CDC23: variants seen among roughly 807,000 people sequenced by gnomAD.
The protein encoded by CDC23 is cell division cycle protein 23 homolog.
Under a neutral mutation model 81.7 loss-of-function variants are expected in CDC23, and 26 were observed. The observed-to-expected ratio is 0.32, with a 90% CI of 0.23 to 0.44. The LOEUF (loss-of-function observed/expected upper bound fraction) is 0.44. CDC23 is among the 20% of genes least tolerant of loss of function. CDC23 has a pLI of 1.00. For synonymous variants in CDC23, 267 were observed against 270.8 expected (o/e 0.99, Z 0.14); for missense variants, 519 against 728.0 (o/e 0.71, Z 3.30).
At chr5:138,206,420 T>C (rs761556274) in intron 3 of CDC23, 127 bp downstream of exon 3, 1 of 877,036 alleles carries the variant, frequency 1.1e-6, no homozygotes, top group African/African-American at 1.7e-5. Flanking sequence ...TTTTTTATTA[T>C]TGCTATGTAT....
At chr5:138,195,596 TATTA>T (rs1561633986) in intron 9 of CDC23, among the ~76,000 whole-genome samples, 150 of 77,872 alleles carry the variant, frequency 1.9e-3, no homozygotes, top group African/African-American at 5.1e-3. Flanking sequence ...ATATAATATA[TATTA>T]TATATGATAT....
chr5:138,197,492 T>C (rs116751388), intron 9 of CDC23, among the ~76,000 whole-genome samples: 3,685 of 148,724 alleles, frequency 0.025, 252 homozygotes, highest in African/African-American at 0.078. Flanking sequence ...GTAATACATA[T>C]TTATTTTTTT....
rs151145236 is a variant in CDC23 at position 138,189,849 on chromosome 5, G to A, written c.1482C>T (p.Ile494=). The A allele has an allele frequency of 4.8e-5, 78 of 1,613,862 alleles. No homozygotes were observed. The highest frequency in any genetic ancestry group is 5.7e-5 in the Non-Finnish European group (67 of 1,179,956). The change falls in exon 14 of 16, where the codon ATC becomes ATT. Residue 494 remains isoleucine, a synonymous_variant. Transcript: ENST00000394886. ...EQAAQCYIKY[I]QDIYSCGEIV... is the part of the protein sequence containing the mutation. ...ATACCCCACAGGAATAGATATCTTG[G>A]ATATATTTGATGTAACACTGGGCAG...
At chr5:138,200,192 C>T (rs979767067) in intron 6 of CDC23, among the ~76,000 whole-genome samples, 1 of 152,180 alleles carries the variant, frequency 6.6e-6, no homozygotes, top group Admixed American at 6.5e-5. Context: ...AGTGAAATAG[C>T]ACCATCAGGG....
chr5:138,188,362 C>G lies in CDC23; in HGVS notation c.*616G>C, dbSNP rs1754779785. 6.6e-6 allele frequency: 1 copy of G among 152,092 alleles called. No homozygotes were observed. Among genetic ancestry groups the G allele is most frequent in the Non-Finnish European group, 1.5e-5 (1 of 68,028 alleles). The allele number at this position is 152,092 out of a possible 1,614,324, so 9.4% of individuals were successfully genotyped here. ...ATTTTTGCCCTTCTTTTATTCAACT[C>G]TAGTTGAATAAAGTTACTTCCAATT... On this transcript the variant is annotated 3_prime_UTR_variant, in exon 16 of 16. Transcript: ENST00000394886.
At chr5:138,201,552 C>A (rs1325548531) in intron 4 of CDC23, 104 bp from the exon 5 acceptor site, 7 of 800,052 alleles carry the variant, frequency 8.7e-6, no homozygotes, top group African/African-American at 3.5e-5. Flanking sequence ...TCGCTATGTT[C>A]CCTAGGCTGG....
intron 3 of CDC23, among the ~76,000 whole-genome samples, chr5:138,203,578 G>C (rs560219244): frequency 3.3e-5 from 5 of 152,260 alleles, no homozygotes; most frequent in Admixed American, 1.3e-4. Context: ...ATTGTACTGA[G>C]GGGGAAATGC....
chr5:138,197,505 T>A (rs1378356013), intron 9 of CDC23, among the ~76,000 whole-genome samples: 2 of 149,908 alleles, frequency 1.3e-5, no homozygotes, highest in East Asian at 3.9e-4. Flanking sequence ...ATTTTTTTTT[T>A]TTTTTTTTTG....
At chr5:138,201,051 C>G (rs778085504) in intron 6 of CDC23, 56 bp downstream of exon 6, 1 of 1,592,450 alleles carries the variant, frequency 6.3e-7, no homozygotes, top group Non-Finnish European at 8.5e-7. Context: ...TATATTACTA[C>G]AGAATTACAA....
intron 9 of CDC23, among the ~76,000 whole-genome samples, chr5:138,196,984 G>GCA (rs1190857418): frequency 6.8e-6 from 1 of 146,638 alleles, no homozygotes; most frequent in Admixed American, 6.8e-5. Flanking sequence ...CCTGGGCTGA[G>GCA]GCCATCTCCT....
chr5:138,212,952 TG>T, intron 2 of CDC23, 38 bp downstream of exon 2: 1 of 1,571,724 alleles, frequency 6.4e-7, no homozygotes, highest in Non-Finnish European at 8.8e-7. Context: ...GGCACACCCC[TG>T]GGTTGATGGG....
At position 138,198,660 on chromosome 5, in the gene CDC23, G is replaced by A. The variant is rs778665862; in HGVS notation, c.777C>T (p.Phe259=). The A allele has an allele frequency of 2.5e-6, 4 of 1,614,050 alleles. No homozygotes were observed. Among genetic ancestry groups the A allele is most frequent in the African/African-American group, 2.7e-5 (2 of 74,930 alleles). ...GGGAAACAATATACGAGCTCTTAGA[G>A]AAGCCCACATCAATGAGATTCTGAT... ...QKYQNLIDVG[F]SKSSYIVSQI... Residue 259 remains phenylalanine, a synonymous_variant, in exon 7 of 16, where the codon TTC becomes TTT. Coordinates refer to ENST00000394886, the MANE Select transcript of CDC23 (RefSeq NM_004661.4).
At position 138,191,894 on chromosome 5, in the gene CDC23, C is replaced by T. The variant is rs890528086; in HGVS notation, c.1330G>A (p.Glu444Lys). The T allele has an allele frequency of 6.2e-7, 1 of 1,614,066 alleles. No homozygotes were observed. Among genetic ancestry groups the T allele is most frequent in the Non-Finnish European group, 8.5e-7 (1 of 1,179,976 alleles). The change falls in exon 12 of 16, where the codon GAG (glutamate) becomes AAG (lysine). Residue 444 changes from glutamate to lysine, a missense_variant. This residue lies in a region of CDC23 where 175 missense variants were observed against 337.8 expected (regional missense o/e 0.52). Transcript: ENST00000394886. ...RMLVALGECYEKLNQLVEAKK... is the reference protein window; with the variant it reads ...RMLVALGECYKKLNQLVEAKK... Reference sequence around the variant, plus strand: ...GCTTCCACTAGTTGATTGAGTTTCTCGTAACATTCTCCTAAAGCAACCAGC... The same window carrying T: ...GCTTCCACTAGTTGATTGAGTTTCTTGTAACATTCTCCTAAAGCAACCAGC...
At chr5:138,195,390 T>C (rs186229323) in intron 9 of CDC23, among the ~76,000 whole-genome samples, 25 of 149,602 alleles carry the variant, frequency 1.7e-4, no homozygotes, top group Middle Eastern at 3.4e-3. Context: ...GTTAGGTAAC[T>C]TGTCCAAGAT....
chr5:138,195,319 G>C (rs1042307762), intron 9 of CDC23, among the ~76,000 whole-genome samples: 13 of 150,274 alleles, frequency 8.7e-5, no homozygotes, highest in African/African-American at 3.2e-4. Context: ...TTATGGGCCA[G>C]GCGCAGTGGC....
intron 2 of CDC23, among the ~76,000 whole-genome samples, chr5:138,210,966 T>C (rs1755106061): frequency 2.0e-5 from 3 of 152,170 alleles, no homozygotes. Flanking sequence ...CACAGATTTT[T>C]CAAAGAACTA....
At position 138,192,718 on chromosome 5, in the gene CDC23, AATAG is replaced by A. The variant is rs1370837324; in HGVS notation, c.1013-65_1013-62del. 14 of 1,484,556 alleles carry A rather than the reference AATAG, an allele frequency of 9.4e-6. 1 individual carries two copies. The East Asian group carries it at 1.6e-4, about 17-fold the overall frequency. 92.0% of individuals were successfully genotyped at this position (1,484,556 alleles called of 1,614,324 possible). A position where few individuals can be genotyped will look rare whatever the true frequency, so the allele number is the denominator to read the frequency against. Reference sequence around the variant, plus strand: ...AAAGGTAAAAATAAAAGTCCATTAAAATAGATAGCATTCCACCAAATGGGCGTGA... The same window carrying A: ...AAAGGTAAAAATAAAAGTCCATTAAAATAGCATTCCACCAAATGGGCGTGA... On this transcript the variant is annotated intron_variant, in intron 9 of 15. Transcript: ENST00000394886.
Position 138,191,670 on chromosome 5 carries a change from G to A in CDC23, c.1363-135C>T. Reference sequence around the variant, plus strand: ...CAAGACATTTTTACTAGTTCTGATAGGTCTAGGCTACACACTGACATTCCC... The same window carrying A: ...CAAGACATTTTTACTAGTTCTGATAAGTCTAGGCTACACACTGACATTCCC... On this transcript the variant is annotated intron_variant, in intron 12 of 15. Coordinates refer to ENST00000394886, the MANE Select transcript of CDC23 (RefSeq NM_004661.4). The A allele has an allele frequency of 8.2e-6, 8 of 973,098 alleles. 1 individual carries two copies. In the South Asian group the frequency reaches 1.1e-4, roughly 13 times the overall value. The allele number at this position is 973,098 out of a possible 1,614,324, so 60.3% of individuals were successfully genotyped here. A position where few individuals can be genotyped will look rare whatever the true frequency, so the allele number is the denominator to read the frequency against.
chr5:138,209,699 C>T lies in CDC23; in HGVS notation c.235-3015G>A, dbSNP rs570804053. ...AATTAGCCAGGCGTGGTGGCACATT[C>T]GGTAATCCCGGCTATTCGGGAGGCT... On this transcript the variant is annotated intron_variant, in intron 2 of 15. Coordinates refer to ENST00000394886, the MANE Select transcript of CDC23 (RefSeq NM_004661.4). 4.6e-5 allele frequency among the ~76,000 whole-genome samples: 7 copies of T among 150,654 alleles called. No individual in the cohort carries two copies. In the South Asian group the frequency reaches 1.1e-3, roughly 23 times the overall value.
Sources: allele counts gnomAD v4.1 joint callset (sites outside exome capture counted in the v4.1 genomes callset), GRCh38; gene constraint gnomAD v4.1.1; regional missense constraint gnomAD v4.1.1; transcripts MANE v1.5; gene names NCBI Gene and HGNC (gene_info 2026-07-23, HGNC 2026-07-21).